Variants in DCLK1 observed in about 807,000 individuals in gnomAD.
The protein encoded by DCLK1 is serine/threonine-protein kinase DCLK1.
A neutral mutation model predicts 86.2 loss-of-function variants in DCLK1; 16 were observed. The ratio of observed to expected loss-of-function variants is 0.19; its 90% CI spans 0.13 to 0.28. The LOEUF is 0.28. DCLK1 is among the 10% of genes least tolerant of loss of function. DCLK1 has a pLI of 1.00. For missense variants in DCLK1, 590 were observed against 940.2 expected, an observed-to-expected ratio of 0.63 and a Z score of 4.87; for synonymous variants, 369 against 370.5, an observed-to-expected ratio of 1.00 and a Z score of 0.05.
intron 6 of DCLK1, among the ~76,000 whole-genome samples, chr13:35,852,013 G>A (rs572443731): frequency 6.6e-6 from 1 of 152,052 alleles, no homozygotes; most frequent in East Asian, 1.9e-4. Flanking sequence ...GTGTGTGTGT[G>A]TGTGTGTGTG....
At chr13:35,826,217 C>T (rs1054069771) in intron 10 of DCLK1, among the ~76,000 whole-genome samples, 6 of 151,760 alleles carry the variant, frequency 4.0e-5, no homozygotes, top group Non-Finnish European at 8.8e-5. Context: ...AAAAAAGGCT[C>T]CCATTCTTTG....
At chr13:35,905,903 T>G (rs905829861) in intron 4 of DCLK1, among the ~76,000 whole-genome samples, 1 of 152,118 alleles carries the variant, frequency 6.6e-6, no homozygotes, top group Non-Finnish European at 1.5e-5. Context: ...GAAGTCCCAG[T>G]CGCCCATTAT....
intron 3 of DCLK1, among the ~76,000 whole-genome samples, chr13:36,062,300 T>G (rs1883580972): frequency 6.6e-6 from 1 of 152,172 alleles, no homozygotes; most frequent in Non-Finnish European, 1.5e-5. Context: ...TCCCCCTTTG[T>G]CCAAGCCTCC....
chr13:36,100,974 C>G (rs953954753), intron 3 of DCLK1, among the ~76,000 whole-genome samples: 1 of 152,174 alleles, frequency 6.6e-6, no homozygotes, highest in Non-Finnish European at 1.5e-5. Context: ...TCCTGCACAC[C>G]TTAAAAACAG....
chr13:35,863,810 T>G (rs17181641), intron 5 of DCLK1, among the ~76,000 whole-genome samples: 32,910 of 152,170 alleles, frequency 0.22, 3,934 homozygotes, highest in Admixed American at 0.32. Context: ...GTGAGCTGAT[T>G]AGAATTCTCT....
intron 5 of DCLK1, among the ~76,000 whole-genome samples, chr13:35,856,409 A>G (rs1184971648): frequency 2.0e-4 from 31 of 152,302 alleles, no homozygotes; most frequent in Admixed American, 1.8e-3. Context: ...TGGCTGGAGA[A>G]CACATTTTGT....
chr13:35,843,454 T>G (rs187403873), intron 6 of DCLK1, among the ~76,000 whole-genome samples: 526 of 152,300 alleles, frequency 3.5e-3, no homozygotes, highest in Middle Eastern at 0.01. Context: ...GGAGAACATA[T>G]CACACTTTTT....
intron 3 of DCLK1, among the ~76,000 whole-genome samples, chr13:36,019,540 C>A (rs746300492): frequency 6.6e-6 from 1 of 152,170 alleles, no homozygotes; most frequent in Non-Finnish European, 1.5e-5. Flanking sequence ...TAATAATGAC[C>A]TCACTTCTTT....
chr13:36,074,849 G>A (rs904204958), intron 3 of DCLK1, among the ~76,000 whole-genome samples: 2 of 152,208 alleles, frequency 1.3e-5, no homozygotes, highest in African/African-American at 4.8e-5. Flanking sequence ...GTGCAGCCAA[G>A]GCTGCTCCTT....
At chr13:36,019,370 T>G (rs1251926155) in intron 3 of DCLK1, among the ~76,000 whole-genome samples, 1 of 152,166 alleles carries the variant, frequency 6.6e-6, no homozygotes, top group Non-Finnish European at 1.5e-5. Flanking sequence ...TTTCTCCTTC[T>G]AGCCCCAAAT....
At chr13:35,958,138 C>CCATCACCACCATCACTGCTATAAT (rs1321396520) in intron 3 of DCLK1, among the ~76,000 whole-genome samples, 2,266 of 138,600 alleles carry the variant, frequency 0.016, 101 homozygotes, top group African/African-American at 0.061. Flanking sequence ...ACTACTATAA[C>CCATCACCACCATCACTGCTATAAT]CACCACCACC....
chr13:35,999,225 A>G (rs971861621), intron 3 of DCLK1, among the ~76,000 whole-genome samples: 6 of 151,578 alleles, frequency 4.0e-5, no homozygotes, highest in African/African-American at 1.5e-4. Context: ...ACTGCACTCC[A>G]GCCTGGGCAA....
In DCLK1 at chr13:35,881,287, G is replaced by C. The variant is rs7320454; in HGVS notation, c.824-9947C>G. On this transcript the variant is annotated intron_variant, in intron 4 of 16. Transcript: ENST00000360631. The stretch of plus-strand genomic sequence containing the variant: ...ATAAGTGACAGCATCCCTAATTTTT[G>C]TTTGCACTTCCAACTTAGCACCAAC... Among the ~76,000 whole-genome samples, 698 of 152,282 alleles carry C rather than the reference G, an allele frequency of 4.6e-3. 4 individuals are homozygous for C. The highest frequency in any genetic ancestry group is 0.016 in the African/African-American group (658 of 41,558).
At chr13:35,987,364 AG>A (rs1410782549) in intron 3 of DCLK1, among the ~76,000 whole-genome samples, 1 of 152,150 alleles carries the variant, frequency 6.6e-6, no homozygotes, top group Non-Finnish European at 1.5e-5. Flanking sequence ...CCCTTTTTAG[AG>A]GCAAGGGGGA....
At chr13:35,817,020 C>T (rs2087284322) in intron 11 of DCLK1, among the ~76,000 whole-genome samples, 1 of 152,158 alleles carries the variant, frequency 6.6e-6, no homozygotes, top group Non-Finnish European at 1.5e-5. Context: ...TATGAGATAA[C>T]TGTTATCCTC....
At chr13:36,018,010 T>C (rs1029864658) in intron 3 of DCLK1, among the ~76,000 whole-genome samples, 1 of 152,206 alleles carries the variant, frequency 6.6e-6, no homozygotes, top group Non-Finnish European at 1.5e-5. Context: ...GCTAATAACA[T>C]CACTCAGTTC....
At chr13:35,886,431 A>G (rs1001409606) in intron 4 of DCLK1, among the ~76,000 whole-genome samples, 2 of 152,220 alleles carry the variant, frequency 1.3e-5, no homozygotes, top group African/African-American at 4.8e-5. Context: ...TTTAGAATTA[A>G]TGACTTCTTG....
intron 3 of DCLK1, among the ~76,000 whole-genome samples, chr13:36,084,009 C>T (rs568168294): frequency 6.6e-6 from 1 of 152,264 alleles, no homozygotes; most frequent in African/African-American, 2.4e-5. Context: ...TGATACTTTC[C>T]TTTCTCAAAC....
chr13:35,985,944 T>A (rs1879880710), intron 3 of DCLK1, among the ~76,000 whole-genome samples: 1 of 152,030 alleles, frequency 6.6e-6, no homozygotes, highest in South Asian at 2.1e-4. Context: ...AAGTAAAAAG[T>A]CCAAACAATC....
Sources: gnomAD v4.1 joint callset for allele counts (sites outside exome capture counted in the v4.1 genomes callset) on GRCh38, gnomAD v4.1.1 for gene constraint, MANE v1.5 for transcripts, NCBI Gene and HGNC (gene_info 2026-07-23, HGNC 2026-07-21) for gene names.